The following DCC variants were observed in gnomAD, a reference collection of about 807,000 sequenced individuals.
DCC encodes the protein netrin receptor DCC.
A neutral mutation model predicts 172.5 loss-of-function variants in DCC; 58 were observed. The ratio of observed to expected loss-of-function variants is 0.34; its 90% confidence interval spans 0.27 to 0.42. The LOEUF is 0.42. Ranked by LOEUF, DCC falls within the 10% of genes least tolerant of loss-of-function variation. The pLI, the probability that DCC is intolerant of heterozygous loss-of-function variation, is 1.00. For missense variants in DCC, 1,740 were observed against 1,791.0 expected (o/e 0.97, Z 0.51); for synonymous variants, 709 against 644.5 (o/e 1.10, Z -1.52).
At chr18:52,343,829 AG>A (rs1983762337) in intron 1 of DCC, among the ~76,000 whole-genome samples, 1 of 152,216 alleles carries the variant, frequency 6.6e-6, no homozygotes, top group Non-Finnish European at 1.5e-5. Context: ...CCCCAACCAA[AG>A]CAGATCAGAT....
At chr18:52,494,494 A>G (rs1358031116) in intron 1 of DCC, among the ~76,000 whole-genome samples, 1 of 152,088 alleles carries the variant, frequency 6.6e-6, no homozygotes, top group Non-Finnish European at 1.5e-5. Flanking sequence ...GTATTCCAAC[A>G]TCTTTTATGT....
At chr18:52,690,362 A>AGG (rs2035912722) in intron 1 of DCC, among the ~76,000 whole-genome samples, 1 of 152,178 alleles carries the variant, frequency 6.6e-6, no homozygotes, top group South Asian at 2.1e-4. Context: ...TGAGGGCAGT[A>AGG]GAGGCTTCAC....
intron 7 of DCC, among the ~76,000 whole-genome samples, chr18:53,149,158 G>A (rs564381606): frequency 2.6e-5 from 4 of 152,092 alleles, no homozygotes; most frequent in African/African-American, 4.8e-5. Context: ...ACCACGCCCC[G>A]CCTCCCAAAG....
At chr18:53,167,571 T>G (rs1598867863) in intron 8 of DCC, among the ~76,000 whole-genome samples, 2 of 152,206 alleles carry the variant, frequency 1.3e-5, no homozygotes, top group African/African-American at 4.8e-5. Context: ...TTTTATGTAA[T>G]TATTCTCTTT....
At chr18:52,874,270 C>A (rs2039368144) in intron 2 of DCC, among the ~76,000 whole-genome samples, 1 of 152,034 alleles carries the variant, frequency 6.6e-6, no homozygotes, top group Non-Finnish European at 1.5e-5. Flanking sequence ...TAATGACAGA[C>A]AAAGAAGAAC....
intron 12 of DCC, among the ~76,000 whole-genome samples, chr18:53,289,340 T>C (rs2056973106): frequency 6.6e-6 from 1 of 152,122 alleles, no homozygotes; most frequent in Non-Finnish European, 1.5e-5. Context: ...TAATATTATT[T>C]GTGTTTCATG....
At chr18:53,148,516 T>C (rs145148113) in intron 7 of DCC, among the ~76,000 whole-genome samples, 332 of 152,150 alleles carry the variant, frequency 2.2e-3, no homozygotes, top group African/African-American at 7.6e-3. Context: ...AGCATAACTC[T>C]CCTGTAGTTG....
intron 25 of DCC, among the ~76,000 whole-genome samples, chr18:53,484,721 AGTGCCTCCAACTTT>A (rs2045881147): frequency 6.6e-6 from 1 of 152,062 alleles, no homozygotes; most frequent in Non-Finnish European, 1.5e-5. Flanking sequence ...CAGGAAGTGC[AGTGCCTCCAACTTT>A]GTTTTTCTTT....
chr18:52,711,589 T>G (rs895868274), intron 1 of DCC, among the ~76,000 whole-genome samples: 3 of 152,186 alleles, frequency 2.0e-5, no homozygotes, highest in African/African-American at 7.2e-5. Flanking sequence ...CTCTCAGACT[T>G]TAAGTTGCCA....
At chr18:53,025,927 TTAATC>T (rs1334853513) in intron 5 of DCC, among the ~76,000 whole-genome samples, 2 of 151,922 alleles carry the variant, frequency 1.3e-5, no homozygotes, top group South Asian at 4.1e-4. Context: ...TATTTTTTAT[TTAATC>T]TAAGAAAAAA....
intron 1 of DCC, among the ~76,000 whole-genome samples, chr18:52,750,736 G>C (rs1309450368): frequency 1.3e-5 from 2 of 152,152 alleles, no homozygotes; most frequent in Admixed American, 1.3e-4. Flanking sequence ...CTGTCCATCA[G>C]GACCAGTATG....
chr18:52,808,286 T>C (rs1022891244), intron 2 of DCC, among the ~76,000 whole-genome samples: 8 of 152,188 alleles, frequency 5.3e-5, no homozygotes, highest in Non-Finnish European at 1.2e-4. Context: ...TGTTCCTTCA[T>C]GGTAGACTTT....
chr18:53,167,851 C>T (rs1052537097), intron 8 of DCC, among the ~76,000 whole-genome samples: 10 of 152,072 alleles, frequency 6.6e-5, no homozygotes, highest in Admixed American at 6.6e-5. Context: ...CATGAGGGTA[C>T]GAAGTTTCAG....
At chr18:52,631,416 C>G (rs1005245554) in intron 1 of DCC, among the ~76,000 whole-genome samples, 1 of 152,228 alleles carries the variant, frequency 6.6e-6, no homozygotes, top group Non-Finnish European at 1.5e-5. Flanking sequence ...GAAAACGCAT[C>G]ACCTTGCACT....
chr18:53,464,245 G>A (rs1383589487), intron 24 of DCC, among the ~76,000 whole-genome samples: 2 of 152,120 alleles, frequency 1.3e-5, no homozygotes, highest in Admixed American at 1.3e-4. Flanking sequence ...AAGCACCACA[G>A]GATTATGTTA....
chr18:52,600,636 C>T (rs900074073), intron 1 of DCC, among the ~76,000 whole-genome samples: 19 of 152,150 alleles, frequency 1.2e-4, no homozygotes, highest in African/African-American at 4.6e-4. Context: ...ATAATCTTTG[C>T]ATTTATTACT....
intron 27 of DCC, among the ~76,000 whole-genome samples, chr18:53,521,793 T>C (rs145630498): frequency 2.0e-5 from 3 of 152,094 alleles, no homozygotes; most frequent in Non-Finnish European, 4.4e-5. Context: ...ATGAAAAATT[T>C]AAAATAAAAT....
At chr18:52,842,960 A>G (rs1217824592) in intron 2 of DCC, among the ~76,000 whole-genome samples, 1 of 152,166 alleles carries the variant, frequency 6.6e-6, no homozygotes, top group Non-Finnish European at 1.5e-5. Context: ...CGATCATTCT[A>G]TTTTGAACTT....
At chr18:52,984,986 A>T (rs1164375903) in intron 5 of DCC, among the ~76,000 whole-genome samples, 1 of 152,154 alleles carries the variant, frequency 6.6e-6, no homozygotes, top group East Asian at 1.9e-4. Context: ...CTAAGATTAC[A>T]TATTTCTTAA....
Sources: allele counts gnomAD v4.1 joint callset (sites outside exome capture counted in the v4.1 genomes callset), GRCh38; gene constraint gnomAD v4.1.1; transcripts MANE v1.5; gene names NCBI Gene and HGNC (gene_info 2026-07-23, HGNC 2026-07-21).